Variants in CAMSAP1 observed in about 807,000 individuals in gnomAD.
CAMSAP1 encodes the protein calmodulin-regulated spectrin-associated protein 1.
In CAMSAP1, 58 loss-of-function variants were observed where a neutral mutation model predicts 143.5. That is an observed-to-expected ratio of 0.40 (90% CI 0.33 to 0.50). The LOEUF is 0.50. Ranked by LOEUF, CAMSAP1 falls within the 20% of genes least tolerant of loss-of-function variation. The pLI, the probability that CAMSAP1 is intolerant of heterozygous loss-of-function variation, is 0.45. For synonymous variants in CAMSAP1, 945 were observed against 859.3 expected (o/e 1.10, Z -1.74); for missense variants, 1,969 against 2,115.7 (o/e 0.93, Z 1.36).
In CAMSAP1 at chr9:135,907,142, G is replaced by T. The variant is rs1267767348; in HGVS notation, c.18C>A (p.Gly6=). 1.8e-6 allele frequency: 2 copies of T among 1,112,862 alleles called. No individual in the cohort carries two copies. The highest frequency in any genetic ancestry group is 4.5e-5 in the East Asian group (1 of 22,080). The allele number at this position is 1,112,862 out of a possible 1,614,324, so 68.9% of individuals were successfully genotyped here. Residue 6 remains glycine, a synonymous_variant, in exon 1 of 17, where the codon GGC becomes GGA. Coordinates refer to ENST00000389532, the MANE Select transcript of CAMSAP1 (RefSeq NM_015447.4). MVDAS[G]RAAAEGWRKM... ...TCCTCCAGCCCTCGGCGGCGGCGCG[G>T]CCGCTCGCGTCCACCATCTGCAGAC...
In CAMSAP1 at chr9:135,882,462, A is replaced by T. The variant is rs2130985855; in HGVS notation, c.423+354T>A. ...AGAAAAAGGCAGACTGAGTTATTTT[A>T]GCACAAAGTATGCATGAAACAACCT... On this transcript the variant is annotated intron_variant, in intron 2 of 16. Transcript: ENST00000389532. This position sits in a 1 kb window ranked among gnomAD's most constrained non-coding sequence, Gnocchi z 4.9. Among the ~76,000 whole-genome samples the T allele has an allele frequency of 6.6e-6, 1 of 152,306 alleles. No individual in the cohort carries two copies. The highest frequency in any genetic ancestry group is 2.4e-5 in the African/African-American group (1 of 41,560).
chr9:135,866,579 C>T (rs981457256), intron 3 of CAMSAP1, 43 bp from the exon 4 acceptor site: 1 of 911,344 alleles, frequency 1.1e-6, no homozygotes, highest in Non-Finnish European at 1.8e-6. Context: ...ATTGCTGTCC[C>T]GCACAATTGT....
At chr9:135,884,225 C>T (rs182219330) in intron 1 of CAMSAP1, among the ~76,000 whole-genome samples, 142 of 152,254 alleles carry the variant, frequency 9.3e-4, no homozygotes, top group African/African-American at 3.3e-3. Context: ...TGACTCCTAG[C>T]GTTCAGACAA....
intron 7 of CAMSAP1, chr9:135,837,044 C>A: frequency 2.7e-6 from 2 of 727,656 alleles, no homozygotes; most frequent in Non-Finnish European, 3.4e-6. Flanking sequence ...GTTCTAGAGA[C>A]ACACATCATC....
chr9:135,833,243 G>A (rs959411794), intron 7 of CAMSAP1, among the ~76,000 whole-genome samples: 7 of 151,924 alleles, frequency 4.6e-5, no homozygotes, highest in South Asian at 2.1e-4. Context: ...CACTACGCCC[G>A]GCTAATTTTT....
rs931563033 is a variant in CAMSAP1, at chr9:135,821,162, C to T, written c.3499G>A (p.Asp1167Asn). 1.1e-5 allele frequency: 17 copies of T among 1,611,516 alleles called. No individual in the cohort carries two copies. The highest frequency in any genetic ancestry group is 4.0e-5 in the African/African-American group (3 of 74,950). ...SGDPHGKCLF[D>N]SYRLHDESNQ... is the part of the protein sequence containing the mutation. ...CTTTCATCATGGAGCCTGTAACTGT[C>T]GAAGAGACACTTCCCATGTGGGTCA... Residue 1167 changes from aspartate to asparagine, a missense_variant, in exon 11 of 17, where the codon GAC becomes AAC. Transcript: ENST00000389532. The surrounding 1 kb of genome is among the most constrained non-coding windows in gnomAD (Gnocchi z 4.6).
chr9:135,850,908 C>A (rs916851980), intron 5 of CAMSAP1, among the ~76,000 whole-genome samples: 2 of 152,244 alleles, frequency 1.3e-5, no homozygotes, highest in African/African-American at 4.8e-5. Context: ...CTCATCCACG[C>A]CCACTCAGTG....
intron 5 of CAMSAP1, among the ~76,000 whole-genome samples, chr9:135,859,347 T>C (rs1837090303): frequency 6.6e-6 from 1 of 152,248 alleles, no homozygotes; most frequent in Non-Finnish European, 1.5e-5. Flanking sequence ...TTCTGTTACA[T>C]AAGTCAGCAA....
Position 135,818,996 on chromosome 9 carries a change from G to A in CAMSAP1, c.3959+14C>T, listed in dbSNP as rs779817410. 11 of 1,603,306 alleles carry A rather than the reference G, an allele frequency of 6.9e-6. No individual in the cohort carries two copies. The highest frequency in any genetic ancestry group is 4.4e-5 in the South Asian group (4 of 90,188). On this transcript the variant is annotated intron_variant, in intron 12 of 16. Transcript: ENST00000389532. The surrounding 1 kb of genome is among the most constrained non-coding windows in gnomAD (Gnocchi z 7.7). ...TCCTGCTCAGTCTGCTTTCCCCCCC[G>A]GCGGGACGCTTACCGGGCTTCGTCA...
intron 1 of CAMSAP1, among the ~76,000 whole-genome samples, chr9:135,885,557 G>A (rs1250413606): frequency 6.6e-6 from 1 of 152,192 alleles, no homozygotes; most frequent in Non-Finnish European, 1.5e-5. Context: ...GAATGGCAGA[G>A]CCTACCTCAC....
intron 1 of CAMSAP1, among the ~76,000 whole-genome samples, chr9:135,884,146 A>G (rs1381882526): frequency 2.6e-5 from 4 of 152,144 alleles, no homozygotes; most frequent in African/African-American, 9.7e-5. Flanking sequence ...GGAGGTGCAG[A>G]TACTCCCACC....
At chr9:135,851,665 C>T (rs754982545) in intron 5 of CAMSAP1, among the ~76,000 whole-genome samples, 5 of 152,212 alleles carry the variant, frequency 3.3e-5, no homozygotes, top group Non-Finnish European at 7.3e-5. Context: ...GAGAAACTTA[C>T]ATTCATGGTA....
chr9:135,868,125 GA>G (rs921221261), intron 3 of CAMSAP1, among the ~76,000 whole-genome samples: 2 of 135,540 alleles, frequency 1.5e-5, no homozygotes, highest in Non-Finnish European at 3.2e-5. Context: ...GTCTTTTTCA[GA>G]AAAAAAAACA....
At position 135,821,807 on chromosome 9, in the gene CAMSAP1, A is replaced by G; in HGVS notation, c.2854T>C (p.Ser952Pro). 6.2e-7 allele frequency: 1 copy of G among 1,613,960 alleles called. No individual in the cohort carries two copies. Among genetic ancestry groups the G allele is most frequent in the Non-Finnish European group, 8.5e-7 (1 of 1,179,890 alleles). The change falls in exon 11 of 17, where the codon TCC becomes CCC. Residue 952 changes from serine (S) to proline (P), a missense_variant. This residue lies in a region of CAMSAP1 where 1,390 missense variants were observed against 1,420.8 expected (regional missense o/e 0.98). Coordinates refer to ENST00000389532, the MANE Select transcript of CAMSAP1 (RefSeq NM_015447.4). The surrounding 1 kb of genome is among the most constrained non-coding windows in gnomAD (Gnocchi z 4.6). ...HNGEDCGDAV[S>P]KTEDFLVKEE... ...TTCACGAGAAAGTCTTCGGTTTTGG[A>G]AACAGCGTCCCCACAGTCCTCCCCG...
At position 135,822,451 on chromosome 9, in the gene CAMSAP1, T is replaced by A; in HGVS notation, c.2210A>T (p.Asp737Val). 6.2e-7 allele frequency: 1 copy of A among 1,613,670 alleles called. No individual in the cohort carries two copies. The highest frequency in any genetic ancestry group is 8.5e-7 in the Non-Finnish European group (1 of 1,179,892). ...TATGTCCACCACATCCGAGTCAGAA[T>A]CCTGCCTGAGGAGAGTCCACGGCTC... ...DSEPWTLLRQ[D>V]SDSDVVDIEE... The change falls in exon 11 of 17, where the codon GAT becomes GTT. Residue 737 changes from aspartate to valine, a missense_variant. Physicochemically the swap from Asp to Val is radical, Grantham distance 152 (BLOSUM62 -3). Around this residue, in one of 4 missense-constraint regions of CAMSAP1, gnomAD observed 1,390 missense variants for 1,420.8 expected, o/e 0.98. Transcript: ENST00000389532. The surrounding 1 kb of genome is among the most constrained non-coding windows in gnomAD (Gnocchi z 6.1).
intron 1 of CAMSAP1, among the ~76,000 whole-genome samples, chr9:135,890,746 A>C (rs1032173394): frequency 6.6e-6 from 1 of 152,304 alleles, no homozygotes; most frequent in African/African-American, 2.4e-5. Flanking sequence ...CCCTGGGAAA[A>C]GATTATATCT....
chr9:135,862,752 G>A, intron 4 of CAMSAP1, 144 bp from the exon 5 acceptor site: 1 of 882,498 alleles, frequency 1.1e-6, no homozygotes, highest in Non-Finnish European at 1.7e-6. Context: ...GAAAGAGTTA[G>A]AAACGTCTGG....
In CAMSAP1 at chr9:135,907,117, T is replaced by A; in HGVS notation, c.43A>T (p.Lys15Ter). ...GCGCCGTCCGGCGGGGCCTCCATCT[T>A]CCTCCAGCCCTCGGCGGCGGCGCGG... ...SGRAAAEGWR[K>*]MEAPPDGAAD... The change falls in exon 1 of 17, where the codon AAG becomes TAG. Residue 15 changes from lysine to a stop codon, truncating the protein, a stop_gained. Transcript: ENST00000389532. LOFTEE classifies it high-confidence loss of function. 1 of 1,129,266 alleles carries A rather than the reference T, an allele frequency of 8.9e-7. No homozygotes were observed. Among genetic ancestry groups the A allele is most frequent in the East Asian group, 4.3e-5 (1 of 23,048 alleles). The allele number at this position is 1,129,266 out of a possible 1,614,324, so 70.0% of individuals were successfully genotyped here.
At chr9:135,846,724 T>A (rs1018760109) in intron 7 of CAMSAP1, among the ~76,000 whole-genome samples, 2 of 148,240 alleles carry the variant, frequency 1.3e-5, no homozygotes, top group Non-Finnish European at 3.0e-5. Context: ...GGCAAAGGAT[T>A]TGAATGGACG....
Sources: allele counts gnomAD v4.1 joint callset (sites outside exome capture counted in the v4.1 genomes callset), GRCh38; gene constraint gnomAD v4.1.1; regional missense constraint gnomAD v4.1.1; non-coding constraint Gnocchi (gnomAD v3.1); transcripts MANE v1.5; gene names NCBI Gene and HGNC (gene_info 2026-07-23, HGNC 2026-07-21).